TNS1: variants seen among roughly 807,000 people sequenced by gnomAD.
TNS1 encodes tensin 1, also known as tensin-1.
TNS1 carries 62 observed loss-of-function variants against 168.6 expected under a neutral mutation model. That is an observed-to-expected ratio of 0.37 (90% CI 0.30 to 0.45). The LOEUF is 0.45. Ranked by LOEUF, TNS1 falls within the 20% of genes least tolerant of loss-of-function variation. TNS1 has a pLI of 1.00. For missense variants in TNS1, 2,240 were observed against 2,339.4 expected (o/e 0.96, Z 0.88); for synonymous variants, 934 against 933.2 (o/e 1.00, Z -0.02).
intron 6 of TNS1, among the ~76,000 whole-genome samples, chr2:217,905,984 T>G (rs1319285042): frequency 6.6e-6 from 1 of 152,074 alleles, no homozygotes; most frequent in African/African-American, 2.4e-5. Context: ...CCGCCAAGAG[T>G]CAGGGCTCCT....
chr2:217,962,459 AG>A (rs1957523629), intron 3 of TNS1, among the ~76,000 whole-genome samples: 2 of 152,294 alleles, frequency 1.3e-5, no homozygotes, highest in South Asian at 4.1e-4. Flanking sequence ...GAAAACAAAA[AG>A]TTAAGAACCA....
intron 18 of TNS1, among the ~76,000 whole-genome samples, chr2:217,862,226 T>A (rs1948845630): frequency 6.6e-6 from 1 of 151,844 alleles, no homozygotes; most frequent in African/African-American, 2.4e-5. Flanking sequence ...GCATGGCAAA[T>A]CTGGTTCAAA....
intron 20 of TNS1, 62 bp from the exon 21 acceptor site, chr2:217,835,228 G>T: frequency 6.7e-7 from 1 of 1,494,150 alleles, no homozygotes. Flanking sequence ...TTCCCCTTCA[G>T]ATGACCTGAG....
Position 217,804,278 on chromosome 2 carries a change from C to CTCTCTCTG in TNS1, c.*180_*181insCAGAGAGA, listed in dbSNP as rs2125018438. 3.0e-6 allele frequency: 2 copies of CTCTCTCTG among 665,258 alleles called. No individual in the cohort carries two copies. Among genetic ancestry groups the CTCTCTCTG allele is most frequent in the African/African-American group, 3.7e-5 (2 of 54,756 alleles). 41.2% of individuals were successfully genotyped at this position (665,258 alleles called of 1,614,324 possible). A position where few individuals can be genotyped will look rare whatever the true frequency, so the allele number is the denominator to read the frequency against. ...TCTTTCTCTCTCTCTCTCTCTCTCT[C>CTCTCTCTG]TCTCTCTCTCTTTTCCCCCTCCCCT... is the stretch of plus-strand genomic sequence containing the variant. On this transcript the variant is annotated 3_prime_UTR_variant, in exon 33 of 33. Coordinates refer to ENST00000682258, the MANE Select transcript of TNS1 (RefSeq NM_001387777.1).
chr2:217,947,500 A>T (rs186643568), intron 3 of TNS1, among the ~76,000 whole-genome samples: 3 of 152,246 alleles, frequency 2.0e-5, no homozygotes, highest in Admixed American at 2.0e-4. Flanking sequence ...TGTCAGAAAC[A>T]GAGACCCAGA....
chr2:217,922,200 C>A (rs915549059), intron 3 of TNS1, among the ~76,000 whole-genome samples: 5 of 152,162 alleles, frequency 3.3e-5, no homozygotes, highest in African/African-American at 9.7e-5. Flanking sequence ...CTGGCTGTGG[C>A]CTGCAGGGCT....
upstream of TNS1, among the ~76,000 whole-genome samples, chr2:218,012,809 G>A (rs539969923): frequency 1.1e-4 from 17 of 152,320 alleles, no homozygotes; most frequent in African/African-American, 3.8e-4. Flanking sequence ...AGAACCTCCT[G>A]AAAGATTCTA....
At position 217,818,456 on chromosome 2, in the gene TNS1, G is replaced by A. The variant is rs1461162924; in HGVS notation, c.3876C>T (p.Asn1292=). Residue 1292 remains asparagine, a synonymous_variant, in exon 24 of 33, where the codon AAC becomes AAT. Coordinates refer to ENST00000682258, the MANE Select transcript of TNS1 (RefSeq NM_001387777.1). The part of the protein sequence containing the change: ...PQARHRTVGT[N]TPPSPGFGWR... ...AGCCGAAGCCAGGACTAGGGGGAGT[G>A]TTGGTGCCCACTGTTCTGTGGCGCG... The A allele has an allele frequency of 3.1e-6, 5 of 1,614,186 alleles. 1 individual carries two copies. In the South Asian group the frequency reaches 4.4e-5, roughly 14 times the overall value.
chr2:218,029,154 C>A (rs558995925), intron 1 of TNS1, among the ~76,000 whole-genome samples: 14 of 152,328 alleles, frequency 9.2e-5, no homozygotes, highest in African/African-American at 3.4e-4. Context: ...GATCGGTGGA[C>A]CCCCACCCAC....
intron 4 of TNS1, among the ~76,000 whole-genome samples, chr2:217,919,393 G>C (rs150766103): frequency 5.3e-5 from 8 of 152,346 alleles, no homozygotes; most frequent in African/African-American, 1.9e-4. Flanking sequence ...TGATCCGATT[G>C]TGCCCGCAAG....
At chr2:217,955,218 C>A (rs1026760957) in intron 3 of TNS1, among the ~76,000 whole-genome samples, 3 of 152,216 alleles carry the variant, frequency 2.0e-5, no homozygotes, top group African/African-American at 4.8e-5. Context: ...GGGTTCCACG[C>A]CCGCAGTGCC....
chr2:217,881,250 G>T lies in TNS1; in HGVS notation c.1313-236C>A, dbSNP rs149584128. On this transcript the variant is annotated intron_variant, in intron 17 of 32. Transcript: ENST00000682258. ...ATGCCGGGTCATAGGGGTAAATCAG[G>T]ACAGGCACTGAAGAATGAAGACCCC... The T allele has an allele frequency of 1.8e-3, 918 of 503,364 alleles. 3 individuals are homozygous for T. Among genetic ancestry groups the T allele is most frequent in the African/African-American group, 0.016 (849 of 51,926 alleles). 31.2% of individuals were successfully genotyped at this position (503,364 alleles called of 1,614,324 possible). A position where few individuals can be genotyped will look rare whatever the true frequency, so the allele number is the denominator to read the frequency against.
Position 217,802,427 on chromosome 2 carries a change from C to T in TNS1, c.*2032G>A, listed in dbSNP as rs1287295047. 6.6e-6 allele frequency: 1 copy of T among 152,292 alleles called. No homozygotes were observed. Among genetic ancestry groups the T allele is most frequent in the Non-Finnish European group, 1.5e-5 (1 of 68,090 alleles). 9.4% of individuals were successfully genotyped at this position (152,292 alleles called of 1,614,324 possible). ...AAAAAATACAAAAGACACACACGCA[C>T]CTATGTGTGCCATACACACCCATGT... On this transcript the variant is annotated 3_prime_UTR_variant, in exon 33 of 33. Coordinates refer to ENST00000682258, the MANE Select transcript of TNS1 (RefSeq NM_001387777.1).
At chr2:217,829,505 C>G (rs1349043778) in intron 22 of TNS1, among the ~76,000 whole-genome samples, 2 of 152,242 alleles carry the variant, frequency 1.3e-5, no homozygotes, top group Non-Finnish European at 2.9e-5. Context: ...CCCTGTCTAC[C>G]TCTATGAGCT....
intron 6 of TNS1, among the ~76,000 whole-genome samples, chr2:217,904,534 T>C: frequency 6.6e-6 from 1 of 152,166 alleles, no homozygotes; most frequent in Non-Finnish European, 1.5e-5. Flanking sequence ...GCTCACTTGC[T>C]TACCTTTCCA....
chr2:217,864,636 G>C (rs889120669), intron 18 of TNS1, among the ~76,000 whole-genome samples: 1 of 152,198 alleles, frequency 6.6e-6, no homozygotes, highest in Non-Finnish European at 1.5e-5. Context: ...GCAGGCAAGT[G>C]AGCACTGTCC....
chr2:217,956,365 T>C (rs1025712120), intron 3 of TNS1, among the ~76,000 whole-genome samples: 2 of 151,808 alleles, frequency 1.3e-5, no homozygotes, highest in African/African-American at 2.4e-5. Context: ...CAAGGGAGGC[T>C]CCTGGAGGGA....
At chr2:217,916,413 G>A (rs1955012969) in intron 4 of TNS1, among the ~76,000 whole-genome samples, 3 of 152,306 alleles carry the variant, frequency 2.0e-5, no homozygotes, top group South Asian at 4.1e-4. Context: ...CACCCCCAGT[G>A]CAGCTCTCCC....
intron 10 of TNS1, 59 bp downstream of exon 10, chr2:217,893,380 A>C: frequency 6.6e-7 from 1 of 1,515,510 alleles, no homozygotes; most frequent in East Asian, 2.3e-5. Flanking sequence ...GCACACACAC[A>C]TGTGCGCATG....
Sources: allele counts gnomAD v4.1 joint callset (sites outside exome capture counted in the v4.1 genomes callset), GRCh38; gene constraint gnomAD v4.1.1; transcripts MANE v1.5; gene names NCBI Gene and HGNC (gene_info 2026-07-23, HGNC 2026-07-21).